The following PCDH12 variants were observed in gnomAD, a reference collection of about 807,000 sequenced individuals.
PCDH12 encodes the protein protocadherin-12.
PCDH12 carries 45 observed loss-of-function variants against 70.9 expected under a neutral mutation model. That is an observed-to-expected ratio of 0.63 (90% CI 0.50 to 0.81). PCDH12 has a LOEUF of 0.81. Among genes scored for constraint, PCDH12 ranks in the 40% least tolerant of loss-of-function variants. The probability of loss-of-function intolerance (pLI) is 0.00; values close to 1 mark genes in which losing one functional copy is unlikely to be tolerated. For synonymous variants in PCDH12, 567 were observed against 626.0 expected (o/e 0.91, Z 1.41); for missense variants, 1,370 against 1,491.7 (o/e 0.92, Z 1.34).
rs1178505974 is a variant in PCDH12 at position 141,945,752 on chromosome 5, A to G, written c.3184T>C (p.Ser1062Pro). 1 of 1,613,946 alleles carries G rather than the reference A, an allele frequency of 6.2e-7. No homozygotes were observed. Among genetic ancestry groups the G allele is most frequent in the Non-Finnish European group, 8.5e-7 (1 of 1,180,014 alleles). ...APDPAWMARL[S>P]LPLTTNYRDN... ...CGGTAGTTGGTGGTGAGGGGCAAAG[A>G]GAGTCTCGCCATCCAGGCCGGGTCA... Residue 1062 changes from serine (S) to proline (P), a missense_variant, in exon 4 of 4, where the codon TCT (serine) becomes CCT (proline). Coordinates refer to ENST00000231484, the MANE Select transcript of PCDH12 (RefSeq NM_016580.4).
intron 1 of PCDH12, among the ~76,000 whole-genome samples, chr5:141,954,532 C>T (rs1337586728): frequency 6.6e-6 from 1 of 152,216 alleles, no homozygotes; most frequent in East Asian, 1.9e-4. Flanking sequence ...ACATCTTCAA[C>T]AGAGATGTTA....
At chr5:141,950,516 C>A (rs1753057954) in intron 2 of PCDH12, among the ~76,000 whole-genome samples, 1 of 152,192 alleles carries the variant, frequency 6.6e-6, no homozygotes, top group Non-Finnish European at 1.5e-5. Context: ...AAGGGGTTCT[C>A]TTTAATCAAC....
In PCDH12 at chr5:141,956,443, C is replaced by T. The variant is rs768780239; in HGVS notation, c.1409G>A (p.Arg470Gln). Residue 470 changes from arginine to glutamine, a missense_variant, in exon 1 of 4, where the codon CGG (arginine) becomes CAG (glutamine). Coordinates refer to ENST00000231484, the MANE Select transcript of PCDH12 (RefSeq NM_016580.4). ...FEKSRYEVSTRENNLPSLHLI... is the reference protein window; with the variant it reads ...FEKSRYEVSTQENNLPSLHLI... ...GTGAAGAGAGGGTAAGTTGTTTTCC[C>T]GCGTGGAGACTTCATACCTGCTTTT... 1.1e-5 allele frequency: 18 copies of T among 1,614,166 alleles called. No individual in the cohort carries two copies. The highest frequency in any genetic ancestry group is 1.6e-4 in the Middle Eastern group (1 of 6,062).
Position 141,956,540 on chromosome 5 carries a change from G to A in PCDH12, c.1312C>T (p.Gln438Ter), listed in dbSNP as rs776726940. Residue 438 changes from glutamine to a stop codon, truncating the protein, a stop_gained, in exon 1 of 4, where the codon CAG becomes TAG. Transcript: ENST00000231484. LOFTEE classifies it high-confidence loss of function. ...LTLLAQDQGL[Q>*]PLSAKKQLSI... Reference sequence around the variant, plus strand: ...AGCTGTTTCTTGGCTGATAAGGGCTGGAGTCCTTGGTCTTGGGCTAACAGA... The same window carrying A: ...AGCTGTTTCTTGGCTGATAAGGGCTAGAGTCCTTGGTCTTGGGCTAACAGA... The A allele has an allele frequency of 1.9e-6, 3 of 1,614,210 alleles. No homozygotes were observed. The Admixed American group carries it at 5.0e-5, about 27-fold the overall frequency.
intron 3 of PCDH12, among the ~76,000 whole-genome samples, chr5:141,948,152 C>A (rs1357281162): frequency 6.6e-6 from 1 of 152,186 alleles, no homozygotes; most frequent in African/African-American, 2.4e-5. Context: ...GTGTTAATAA[C>A]CATCCACGAG....
intron 3 of PCDH12, among the ~76,000 whole-genome samples, chr5:141,946,506 TC>T (rs1273401073): frequency 6.6e-6 from 1 of 152,116 alleles, no homozygotes. Context: ...TGGCCCTTCC[TC>T]CCCCTGGATA....
rs375930414 is a variant in PCDH12, at chr5:141,955,020, G to T, written c.2832C>A (p.Ala944=). ...SLVRLSVAAF[A]ERNPVEELTV... ...TGAGCTCCTCCACGGGGTTCCGCTC[G>T]GCGAAGGCAGCCACAGACAGCCGGA... The change falls in exon 1 of 4, where the codon GCC becomes GCA. Residue 944 remains alanine, a synonymous_variant. Transcript: ENST00000231484. The surrounding 1 kb of genome is among the most constrained non-coding windows in gnomAD (Gnocchi z 5.5). 5 of 1,614,044 alleles carry T rather than the reference G, an allele frequency of 3.1e-6. No individual in the cohort carries two copies. Among genetic ancestry groups the T allele is most frequent in the African/African-American group, 1.3e-5 (1 of 74,942 alleles).
chr5:141,956,568 G>C lies in PCDH12; in HGVS notation c.1284C>G (p.Leu428=). The C allele has an allele frequency of 1.2e-6, 2 of 1,614,230 alleles. No homozygotes were observed. The highest frequency in any genetic ancestry group is 1.7e-6 in the Non-Finnish European group (2 of 1,180,050). Residue 428 remains leucine (L), a synonymous_variant, in exon 1 of 4, where the codon CTC becomes CTG. Transcript: ENST00000231484. ...LDREQWPKYT[L]TLLAQDQGLQ... is the part of the protein sequence containing the mutation. ...GTCCTTGGTCTTGGGCTAACAGAGT[G>C]AGGGTATATTTGGGCCACTGCTCTC...
chr5:141,951,101 G>A (rs530043991), intron 2 of PCDH12, among the ~76,000 whole-genome samples: 2 of 152,314 alleles, frequency 1.3e-5, no homozygotes, highest in Admixed American at 1.3e-4. Flanking sequence ...CGCCCACACA[G>A]CCATGTCTTT....
In PCDH12 at chr5:141,955,460, C is replaced by T; in HGVS notation, c.2392G>A (p.Val798Met). 3 of 1,614,096 alleles carry T rather than the reference C, an allele frequency of 1.9e-6. No individual in the cohort carries two copies. Among genetic ancestry groups the T allele is most frequent in the South Asian group, 1.1e-5 (1 of 91,074 alleles). ...PCEVGQSHKD[V>M]DKEAMMEAGW... ...GCTTCCATCATCGCCTCCTTGTCCA[C>T]ATCTTTGTGGGACTGCCCGACTTCA... Residue 798 changes from valine to methionine, a missense_variant, in exon 1 of 4, where the codon GTG (valine) becomes ATG (methionine). Physicochemically the swap from Val to Met is conservative, Grantham distance 21. Coordinates refer to ENST00000231484, the MANE Select transcript of PCDH12 (RefSeq NM_016580.4). This position sits in a 1 kb window ranked among gnomAD's most constrained non-coding sequence, Gnocchi z 5.5.
Position 141,955,124 on chromosome 5 carries a change from G to A in PCDH12, c.2728C>T (p.Leu910=), listed in dbSNP as rs439293. 5.0e-6 allele frequency: 8 copies of A among 1,614,116 alleles called. No homozygotes were observed. The highest frequency in any genetic ancestry group is 6.8e-6 in the Non-Finnish European group (8 of 1,180,052). Residue 910 remains leucine (L), a synonymous_variant, in exon 1 of 4, where the codon CTG becomes TTG. Coordinates refer to ENST00000231484, the MANE Select transcript of PCDH12 (RefSeq NM_016580.4). This position sits in a 1 kb window ranked among gnomAD's most constrained non-coding sequence, Gnocchi z 5.5. The part of the protein sequence containing the change: ...PQRPPASSAT[L]RRQRHLNGKV... ...CCATTGAGATGTCGCTGCCGTCTCA[G>A]GGTTGCAGAGGAGGCTGGTGGCCTC...
Position 141,955,170 on chromosome 5 carries a change from C to T in PCDH12, c.2682G>A (p.Gln894=), listed in dbSNP as rs1309936899. 1.2e-6 allele frequency: 2 copies of T among 1,614,212 alleles called. No homozygotes were observed. The highest frequency in any genetic ancestry group is 1.1e-5 in the South Asian group (1 of 91,088). The change falls in exon 1 of 4, where the codon CAG becomes CAA. Residue 894 remains glutamine (Q), a synonymous_variant. Transcript: ENST00000231484. The surrounding 1 kb of genome is among the most constrained non-coding windows in gnomAD (Gnocchi z 5.5). ...GSPTGRLAGD[Q]GSEEAPQRPP... The stretch of plus-strand genomic sequence containing the variant: ...GCCTCTGTGGGGCTTCCTCACTGCC[C>T]TGGTCTCCAGCCAGCCTCCCTGTGG...
chr5:141,949,289 A>C, intron 3 of PCDH12, 143 bp downstream of exon 3: 1 of 1,474,040 alleles, frequency 6.8e-7, no homozygotes, highest in South Asian at 1.5e-5. Context: ...CTGAGGCTGC[A>C]AGGGTGCAAG....
intron 3 of PCDH12, among the ~76,000 whole-genome samples, chr5:141,948,359 A>G (rs1752993589): frequency 6.6e-6 from 1 of 152,218 alleles, no homozygotes. Context: ...CCATACCTTC[A>G]GTGTGTCTGC....
At chr5:141,947,620 T>C (rs943022599) in intron 3 of PCDH12, among the ~76,000 whole-genome samples, 1 of 152,222 alleles carries the variant, frequency 6.6e-6, no homozygotes, top group African/African-American at 2.4e-5. Flanking sequence ...CCGTTTCCTC[T>C]TAGGAAGTGG....
At chr5:141,947,559 T>C (rs1752969207) in intron 3 of PCDH12, among the ~76,000 whole-genome samples, 1 of 152,224 alleles carries the variant, frequency 6.6e-6, no homozygotes, top group South Asian at 2.1e-4. Context: ...GCTTTGCAGC[T>C]TAGGGGCAGT....
rs1753206427 is a variant in PCDH12 at position 141,957,542 on chromosome 5, AG to A, written c.309del (p.Cys104AlafsTer15). The part of the protein sequence containing the change: ...DREQLCRQWD[P>X]CLVSFDVLAT... Reference sequence around the variant, plus strand: ...GCAAGCACATCAAAGGAAACCAGGCAGGGATCCCACTGTCGGCACAGCTGCT... The same window carrying A: ...GCAAGCACATCAAAGGAAACCAGGCAGGATCCCACTGTCGGCACAGCTGCT... On this transcript the variant is annotated frameshift_variant, in exon 1 of 4. Coordinates refer to ENST00000231484, the MANE Select transcript of PCDH12 (RefSeq NM_016580.4). LOFTEE classifies it high-confidence loss of function. This position sits in a 1 kb window ranked among gnomAD's most constrained non-coding sequence, Gnocchi z 4.3. 2.5e-6 allele frequency: 4 copies of A among 1,614,214 alleles called. No homozygotes were observed. Among genetic ancestry groups the A allele is most frequent in the Non-Finnish European group, 3.4e-6 (4 of 1,180,036 alleles).
At chr5:141,949,634 C>A in intron 2 of PCDH12, 51 bp from the exon 3 acceptor site, 1 of 1,576,930 alleles carries the variant, frequency 6.3e-7, no homozygotes. Flanking sequence ...CATATAGATT[C>A]ATTCATTCAT....
chr5:141,957,826 AGCAGAAGTT>A lies in PCDH12; in HGVS notation c.17_25del (p.Gln6_Leu8del), dbSNP rs750356729. On this transcript the variant is annotated inframe_deletion, in exon 1 of 4. Transcript: ENST00000231484. The surrounding 1 kb of genome is among the most constrained non-coding windows in gnomAD (Gnocchi z 4.3). ...GTAGCCACCTGGCCCCAAAAGCCCC[AGCAGAAGTT>A]GCAGAAGTTGCATCATGCTTACCGC... 7 of 1,600,444 alleles carry A rather than the reference AGCAGAAGTT, an allele frequency of 4.4e-6. No individual in the cohort carries two copies. The highest frequency in any genetic ancestry group is 5.1e-6 in the Non-Finnish European group (6 of 1,179,372).
Sources: gnomAD v4.1 joint callset for allele counts (sites outside exome capture counted in the v4.1 genomes callset) on GRCh38, gnomAD v4.1.1 for gene constraint, Gnocchi (gnomAD v3.1) non-coding constraint, MANE v1.5 for transcripts, NCBI Gene and HGNC (gene_info 2026-07-23, HGNC 2026-07-21) for gene names.